AFAP1: variants seen among roughly 807,000 people sequenced by gnomAD.
AFAP1 encodes actin filament-associated protein 1.
A neutral mutation model predicts 93.9 loss-of-function variants in AFAP1; 75 were observed. That is an observed-to-expected ratio of 0.80 (90% CI 0.66 to 0.97). The LOEUF (loss-of-function observed/expected upper bound fraction) is 0.97. Ranked by LOEUF, AFAP1 falls within the 50% of genes least tolerant of loss-of-function variation. The pLI, the probability that AFAP1 is intolerant of heterozygous loss-of-function variation, is 0.00. For missense variants in AFAP1, 1,201 were observed against 1,050.8 expected (o/e 1.14, Z -1.98); for synonymous variants, 517 against 430.7 (o/e 1.20, Z -2.48).
chr4:7,771,062 T>G (rs962786344), intron 16 of AFAP1, among the ~76,000 whole-genome samples: 9 of 152,368 alleles, frequency 5.9e-5, no homozygotes, highest in Admixed American at 1.3e-4. Context: ...GCACCCCTCC[T>G]CCTCAGCACT....
At chr4:7,767,129 C>A (rs1714713299) in intron 17 of AFAP1, among the ~76,000 whole-genome samples, 1 of 152,236 alleles carries the variant, frequency 6.6e-6, no homozygotes, top group Non-Finnish European at 1.5e-5. Flanking sequence ...CTCAGTCCGT[C>A]CCCTTCTGAT....
intron 3 of AFAP1, among the ~76,000 whole-genome samples, chr4:7,863,574 G>C (rs751353284): frequency 5.3e-5 from 8 of 152,124 alleles, no homozygotes; most frequent in Non-Finnish European, 1.0e-4. Flanking sequence ...CATCCCACAC[G>C]TGTGACTTCA....
chr4:7,791,850 A>AC (rs1449394752), intron 11 of AFAP1, among the ~76,000 whole-genome samples: 7 of 143,260 alleles, frequency 4.9e-5, no homozygotes, highest in African/African-American at 1.1e-4. Flanking sequence ...ATCAAAAAAA[A>AC]ACAAAAACAA....
intron 1 of AFAP1, among the ~76,000 whole-genome samples, chr4:7,885,860 G>T (rs572889348): frequency 2.0e-5 from 3 of 152,246 alleles, no homozygotes; most frequent in African/African-American, 7.2e-5. Context: ...CCTGTTCAGG[G>T]TCCTCTCTGT....
At chr4:7,811,530 C>A (rs1196907269) in intron 8 of AFAP1, among the ~76,000 whole-genome samples, 1 of 152,110 alleles carries the variant, frequency 6.6e-6, no homozygotes, top group Non-Finnish European at 1.5e-5. Flanking sequence ...CTGGTGCCCC[C>A]ACCACAGCCA....
At chr4:7,859,352 G>A (rs28653117) in intron 3 of AFAP1, among the ~76,000 whole-genome samples, 15,990 of 152,156 alleles carry the variant, frequency 0.11, 1,168 homozygotes, top group African/African-American at 0.21. Context: ...CCGGGAGGCA[G>A]AGGCTGCAGT....
At chr4:7,840,032 G>C (rs898637285) in intron 5 of AFAP1, among the ~76,000 whole-genome samples, 5 of 152,122 alleles carry the variant, frequency 3.3e-5, no homozygotes, top group African/African-American at 1.2e-4. Flanking sequence ...CAATCAGCAT[G>C]GTGGCTCATT....
chr4:7,836,004 G>C (rs894647706), intron 6 of AFAP1, among the ~76,000 whole-genome samples: 3 of 152,184 alleles, frequency 2.0e-5, no homozygotes, highest in Admixed American at 6.5e-5. Context: ...GTAGTGGAAA[G>C]CAGAGTTCTA....
At chr4:7,937,280 A>T (rs561672378) in intron 1 of AFAP1, among the ~76,000 whole-genome samples, 1 of 151,478 alleles carries the variant, frequency 6.6e-6, no homozygotes, top group South Asian at 2.1e-4. Flanking sequence ...CCACTTTAGA[A>T]TCCACATTTT....
rs539476112 is a variant in AFAP1 at position 7,795,659 on chromosome 4, T to C, written c.1267-1833A>G. Among the ~76,000 whole-genome samples, 5 of 152,082 alleles carry C rather than the reference T, an allele frequency of 3.3e-5. No homozygotes were observed. The East Asian group carries it at 9.7e-4, about 29-fold the overall frequency. ...CCAGGATGGTCTCGATCTCCTGACC[T>C]TGTGATCTGCCCACCTCGGCCTCCC... On this transcript the variant is annotated intron_variant, in intron 10 of 17. Transcript: ENST00000420658.
intron 1 of AFAP1, among the ~76,000 whole-genome samples, chr4:7,900,488 G>A (rs557719722): frequency 2.6e-5 from 4 of 152,248 alleles, no homozygotes; most frequent in East Asian, 1.9e-4. Flanking sequence ...AAACTAAGTC[G>A]GCTGGACAGT....
intron 14 of AFAP1, 139 bp from the exon 15 acceptor site, chr4:7,775,042 G>C (rs1182149097): frequency 9.8e-7 from 1 of 1,023,828 alleles, no homozygotes; most frequent in East Asian, 2.5e-5. Context: ...TCAGGAAGCT[G>C]AGGTGGGAGA....
At chr4:7,873,604 T>G (rs928312894) in intron 1 of AFAP1, among the ~76,000 whole-genome samples, 1 of 151,988 alleles carries the variant, frequency 6.6e-6, no homozygotes, top group African/African-American at 2.4e-5. Flanking sequence ...CATCTGGGCC[T>G]CCCAAAGCAC....
chr4:7,809,960 C>A (rs1450837381), intron 8 of AFAP1, among the ~76,000 whole-genome samples, 197 bp from the exon 9 acceptor site: 5 of 152,196 alleles, frequency 3.3e-5, no homozygotes, highest in Non-Finnish European at 7.3e-5. Flanking sequence ...CTGGGCACAA[C>A]TGATCCTCCC....
chr4:7,843,905 C>G (rs1486384400), intron 4 of AFAP1: 1 of 159,782 alleles, frequency 6.3e-6, no homozygotes, highest in African/African-American at 2.4e-5. Flanking sequence ...CTAATGGTGC[C>G]CACCTCACTC....
At chr4:7,771,876 G>A (rs1715487190) in intron 16 of AFAP1, among the ~76,000 whole-genome samples, 1 of 152,148 alleles carries the variant, frequency 6.6e-6, no homozygotes, top group Non-Finnish European at 1.5e-5. Flanking sequence ...GGGGATGGGA[G>A]AGGCTTGGAG....
At chr4:7,774,299 G>A (rs576876306) in intron 15 of AFAP1, 102 of 160,948 alleles carry the variant, frequency 6.3e-4, no homozygotes, top group Admixed American at 1.4e-3. Flanking sequence ...CAACAAACGA[G>A]GGGCTGCTTC....
intron 3 of AFAP1, among the ~76,000 whole-genome samples, chr4:7,860,642 G>C (rs1715567960): frequency 6.6e-6 from 1 of 152,168 alleles, no homozygotes; most frequent in Admixed American, 6.5e-5. Context: ...CTTATCCACA[G>C]AAGTCAGCCA....
At chr4:7,765,594 G>T (rs1424452737) in intron 17 of AFAP1, among the ~76,000 whole-genome samples, 1 of 152,230 alleles carries the variant, frequency 6.6e-6, no homozygotes, top group Non-Finnish European at 1.5e-5. Context: ...GGAGCTACGT[G>T]GATTTGAAAT....
Sources: gnomAD v4.1 joint callset for allele counts (sites outside exome capture counted in the v4.1 genomes callset) on GRCh38, gnomAD v4.1.1 for gene constraint, MANE v1.5 for transcripts, NCBI Gene and HGNC (gene_info 2026-07-23, HGNC 2026-07-21) for gene names.